The following CREBBP variants were observed in gnomAD, a reference collection of about 807,000 sequenced individuals.
CREBBP encodes the protein CREB binding lysine acetyltransferase, also known as CREB-binding protein.
CREBBP carries 19 observed loss-of-function variants against 265.0 expected under a neutral mutation model. The observed-to-expected ratio is 0.07, with a 90% CI of 0.05 to 0.11. CREBBP has a LOEUF of 0.11. CREBBP is among the 10% of genes least tolerant of loss of function. The probability of loss-of-function intolerance (pLI) is 1.00; values close to 1 mark genes in which losing one functional copy is unlikely to be tolerated. For missense variants in CREBBP, 2,525 were observed against 3,219.0 expected, an observed-to-expected ratio of 0.78 and a Z score of 5.22; for synonymous variants, 1,457 against 1,223.7, an observed-to-expected ratio of 1.19 and a Z score of -3.98.
At chr16:3,803,829 C>T (rs1336017604) in intron 3 of CREBBP, among the ~76,000 whole-genome samples, 1 of 152,074 alleles carries the variant, frequency 6.6e-6, no homozygotes, top group East Asian at 1.9e-4. Flanking sequence ...ACCTGTGATG[C>T]TAGCACTTTG....
chr16:3,758,078 G>A (rs1006838913), intron 17 of CREBBP, 30 bp from the exon 18 acceptor site: 15 of 1,611,062 alleles, frequency 9.3e-6, no homozygotes, highest in Non-Finnish European at 1.3e-5. Flanking sequence ...TCTCAGTATA[G>A]GGAATCCCCC....
chr16:3,804,165 C>A (rs1042403808), intron 3 of CREBBP, among the ~76,000 whole-genome samples: 1 of 152,070 alleles, frequency 6.6e-6, no homozygotes, highest in African/African-American at 2.4e-5. Flanking sequence ...GGCACCAGAT[C>A]TATTCCTACG....
At position 3,782,689 on chromosome 16, in the gene CREBBP, G is replaced by C; in HGVS notation, c.1568C>G (p.Pro523Arg). Residue 523 changes from proline (P) to arginine (R), a missense_variant, in exon 6 of 31, where the codon CCC (proline) becomes CGC (arginine). Transcript: ENST00000262367. The part of the protein sequence containing the change: ...QTHQQMRTLN[P>R]LGNNPMNIPA... ...TTGAGAGTTCCTTCACCTACCCAGG[G>C]GGTTGAGAGTCCTCATCTGCTGGTG... 6.2e-7 allele frequency: 1 copy of C among 1,614,084 alleles called. No individual in the cohort carries two copies. The highest frequency in any genetic ancestry group is 8.5e-7 in the Non-Finnish European group (1 of 1,179,964).
Position 3,729,058 on chromosome 16 carries a change from G to T in CREBBP, c.5989C>A (p.Pro1997Thr), listed in dbSNP as rs1390682026. Residue 1997 changes from proline (P) to threonine (T), a missense_variant, in exon 31 of 31, where the codon CCC becomes ACC. Pro to Thr is a conservative substitution (Grantham distance 38). This residue lies in a region of CREBBP where 275 missense variants were observed against 276.5 expected (regional missense o/e 0.99). Coordinates refer to ENST00000262367, the MANE Select transcript of CREBBP (RefSeq NM_004380.3). ...GGTCGGGGCACATTCAGGCTCACGG[G>T]GGCCATCTGGCTCCCCGGGGTCCCC... ...GMGTPGSQMAPVSLNVPRPNQ... is the reference protein window; with the variant it reads ...GMGTPGSQMATVSLNVPRPNQ... 6.3e-7 allele frequency: 1 copy of T among 1,584,952 alleles called. No homozygotes were observed. The highest frequency in any genetic ancestry group is 2.3e-5 in the East Asian group (1 of 43,646).
chr16:3,875,237 T>C lies in CREBBP; in HGVS notation c.85+4595A>G, dbSNP rs144824544. ...CTTCTGAAGGCCCTCTAAGGCGCCC[T>C]GCACATGACTTGTCCTTGCCTACCT... On this transcript the variant is annotated intron_variant, in intron 1 of 30. Transcript: ENST00000262367. Among the ~76,000 whole-genome samples the C allele has an allele frequency of 7.4e-4, 112 of 152,334 alleles. 1 individual carries two copies. The highest frequency in any genetic ancestry group is 2.5e-3 in the African/African-American group (103 of 41,580).
intron 2 of CREBBP, 79 bp from the exon 3 acceptor site, chr16:3,810,858 T>C: frequency 7.0e-7 from 1 of 1,429,306 alleles, no homozygotes; most frequent in Non-Finnish European, 9.8e-7. Flanking sequence ...GCTCACACAG[T>C]TTCCTATGAA....
At chr16:3,875,416 T>C (rs953949942) in intron 1 of CREBBP, among the ~76,000 whole-genome samples, 2 of 152,146 alleles carry the variant, frequency 1.3e-5, no homozygotes, top group East Asian at 3.8e-4. Context: ...AACATAACCG[T>C]TTCTCATTCT....
At chr16:3,842,403 G>T (rs1407432028) in intron 2 of CREBBP, among the ~76,000 whole-genome samples, 2 of 151,922 alleles carry the variant, frequency 1.3e-5, no homozygotes, top group East Asian at 3.9e-4. Flanking sequence ...TACCTAAATT[G>T]GTCTTTTTTG....
chr16:3,799,408 C>T (rs1391354775), intron 3 of CREBBP, among the ~76,000 whole-genome samples: 1 of 151,992 alleles, frequency 6.6e-6, no homozygotes, highest in Non-Finnish European at 1.5e-5. Context: ...ATCTATATGG[C>T]CAAGATTTAA....
chr16:3,775,340 C>T (rs1028250088), intron 11 of CREBBP, among the ~76,000 whole-genome samples: 1 of 152,266 alleles, frequency 6.6e-6, no homozygotes, highest in Non-Finnish European at 1.5e-5. Context: ...CTGAAAGACA[C>T]TTCACAGCCA....
At chr16:3,839,982 T>C (rs898435370) in intron 2 of CREBBP, among the ~76,000 whole-genome samples, 4 of 152,178 alleles carry the variant, frequency 2.6e-5, no homozygotes, top group Admixed American at 6.5e-5. Context: ...ATTAGAGTCA[T>C]AATAAGATCC....
At chr16:3,832,554 T>TA (rs1203045038) in intron 2 of CREBBP, among the ~76,000 whole-genome samples, 10 of 152,206 alleles carry the variant, frequency 6.6e-5, no homozygotes, top group Non-Finnish European at 1.5e-4. Context: ...GGCTGTATGG[T>TA]ATAGCCCACT....
intron 1 of CREBBP, among the ~76,000 whole-genome samples, chr16:3,877,658 G>A (rs758450039): frequency 1.2e-4 from 18 of 152,212 alleles, no homozygotes; most frequent in Non-Finnish European, 2.6e-4. Context: ...ACCAGCCTCC[G>A]CCTCCCAAAG....
chr16:3,757,391 G>C lies in CREBBP; in HGVS notation c.3610-15C>G. The C allele has an allele frequency of 6.3e-7, 1 of 1,591,930 alleles. No individual in the cohort carries two copies. Among genetic ancestry groups the C allele is most frequent in the Non-Finnish European group, 8.6e-7 (1 of 1,162,168 alleles). On this transcript the variant is annotated splice_polypyrimidine_tract_variant and intron_variant, in intron 18 of 30. Coordinates refer to ENST00000262367, the MANE Select transcript of CREBBP (RefSeq NM_004380.3). ...GAAAACTCATACTGCAAAAATAAAG[G>C]AGAAATACTTTTATATAAAAATACA...
rs1596886690 is a variant in CREBBP, at chr16:3,770,816, A to G, written c.2634T>C (p.Thr878=). The G allele has an allele frequency of 6.2e-7, 1 of 1,613,774 alleles. No homozygotes were observed. The highest frequency in any genetic ancestry group is 8.5e-7 in the Non-Finnish European group (1 of 1,179,954). Residue 878 remains threonine (T), a synonymous_variant, in exon 14 of 31, where the codon ACT becomes ACC. Transcript: ENST00000262367. The part of the protein sequence containing the change: ...SLQHTTPPGM[T]PPQPAAPTQP... Reference sequence around the variant, plus strand: ...GAGTGGGAGCTGCTGGCTGGGGAGGAGTCATCCCAGGTGGTGTCGTGTGCT... The same window carrying G: ...GAGTGGGAGCTGCTGGCTGGGGAGGGGTCATCCCAGGTGGTGTCGTGTGCT...
At chr16:3,745,747 A>C (rs2052326922) in intron 21 of CREBBP, 1 of 346,892 alleles carries the variant, frequency 2.9e-6, no homozygotes, top group Non-Finnish European at 5.5e-6. Context: ...AAAAATAGAG[A>C]ACAATACTTT....
In CREBBP at chr16:3,852,035, C is replaced by CAAAAAAA. The variant is rs551018184; in HGVS notation, c.86-1033_86-1027dup. Reference sequence around the variant, plus strand: ...CCTGGGCAACAGCGAGACTCCATCTCAAAAAAAAAAAAAAAAAAAAAAAAA... The same window carrying CAAAAAAA: ...CCTGGGCAACAGCGAGACTCCATCTCAAAAAAAAAAAAAAAAAAAAAAAAAAAAAAAA... On this transcript the variant is annotated intron_variant, in intron 1 of 30. Coordinates refer to ENST00000262367, the MANE Select transcript of CREBBP (RefSeq NM_004380.3). Among the ~76,000 whole-genome samples, 44 of 11,200 alleles carry CAAAAAAA rather than the reference C, an allele frequency of 3.9e-3. 15 individuals carry two copies. Among genetic ancestry groups the CAAAAAAA allele is most frequent in the Admixed American group, 4.6e-3 (2 of 434 alleles). The allele number at this position is 11,200 out of a possible 152,430, so 7.3% of individuals were successfully genotyped here.
Position 3,850,687 on chromosome 16 carries a change from C to T in CREBBP, c.408G>A (p.Gln136=), listed in dbSNP as rs766932588. The change falls in exon 2 of 31, where the codon CAG becomes CAA. Residue 136 remains glutamine, a synonymous_variant. Coordinates refer to ENST00000262367, the MANE Select transcript of CREBBP (RefSeq NM_004380.3). Reference sequence around the variant, plus strand: ...GGGTGGGCCCAGAGGTGCTGGCTGCCTGTTTAGGCAGGCTGGGGGCTGAAG... The same window carrying T: ...GGGTGGGCCCAGAGGTGCTGGCTGCTTGTTTAGGCAGGCTGGGGGCTGAAG... ...GDSSAPSLPK[Q]AASTSGPTPA... 6.2e-7 allele frequency: 1 copy of T among 1,614,174 alleles called. No homozygotes were observed. The highest frequency in any genetic ancestry group is 1.1e-5 in the South Asian group (1 of 91,088).
intron 21 of CREBBP, among the ~76,000 whole-genome samples, chr16:3,747,190 T>C (rs2052362345): frequency 6.6e-6 from 1 of 152,160 alleles, no homozygotes; most frequent in Admixed American, 6.5e-5. Flanking sequence ...TACAGAACAA[T>C]GTCTTCTCCT....
Sources: gnomAD v4.1 joint callset for allele counts (sites outside exome capture counted in the v4.1 genomes callset) on GRCh38, gnomAD v4.1.1 for gene constraint, gnomAD v4.1.1 regional missense constraint, MANE v1.5 for transcripts, NCBI Gene and HGNC (gene_info 2026-07-23, HGNC 2026-07-21) for gene names.